DMAC2L: variants seen among roughly 807,000 people sequenced by gnomAD.
The protein encoded by DMAC2L is ATP synthase subunit s, mitochondrial.
In DMAC2L, 21 loss-of-function variants were observed where a neutral mutation model predicts 22.5. The ratio of observed to expected loss-of-function variants is 0.93; its 90% CI spans 0.66 to 1.34. DMAC2L has a LOEUF of 1.34. Among genes scored for constraint, DMAC2L ranks in the 40% most tolerant of loss-of-function variants. The pLI, the probability that DMAC2L is intolerant of heterozygous loss-of-function variation, is 0.00. For missense variants in DMAC2L, 239 were observed against 246.5 expected, an observed-to-expected ratio of 0.97 and a Z score of 0.20; for synonymous variants, 86 against 89.5, an observed-to-expected ratio of 0.96 and a Z score of 0.22.
chr14:50,326,490 GGTT>G lies in DMAC2L; in HGVS notation c.*772_*774del, dbSNP rs916546588. On this transcript the variant is annotated 3_prime_UTR_variant, in exon 6 of 6. Coordinates refer to ENST00000557421, the MANE Select transcript of DMAC2L (RefSeq NM_001382507.1). Reference sequence around the variant, plus strand: ...GAGTCAATTATGCAAAGTGGTCAGTGGTTGTTGAAGCATGCATTGCTTCAACAG... The same window carrying G: ...GAGTCAATTATGCAAAGTGGTCAGTGGTTGAAGCATGCATTGCTTCAACAG... The G allele has an allele frequency of 1.8e-5, 18 of 985,398 alleles. No individual in the cohort carries two copies. Among genetic ancestry groups the G allele is most frequent in the Non-Finnish European group, 2.2e-5 (18 of 829,918 alleles). 61.0% of individuals were successfully genotyped at this position (985,398 alleles called of 1,614,324 possible).
chr14:50,326,307 A>G lies in DMAC2L; in HGVS notation c.*584A>G, dbSNP rs116425757. On this transcript the variant is annotated 3_prime_UTR_variant, in exon 6 of 6. Coordinates refer to ENST00000557421, the MANE Select transcript of DMAC2L (RefSeq NM_001382507.1). ...TCATTTAATATGTAAATCTATAGAT[A>G]TCTCTTGATGTAGATATTTAGAATC... is the stretch of plus-strand genomic sequence containing the variant. 2,975 of 517,690 alleles carry G rather than the reference A, an allele frequency of 5.7e-3. 76 individuals carry two copies. Among genetic ancestry groups the G allele is most frequent in the African/African-American group, 0.057 (2,733 of 48,252 alleles). The allele number at this position is 517,690 out of a possible 1,614,324, so 32.1% of individuals were successfully genotyped here. A position where few individuals can be genotyped will look rare whatever the true frequency, so the allele number is the denominator to read the frequency against.
At chr14:50,323,857 C>A in intron 4 of DMAC2L, 88 bp from the exon 5 acceptor site, 2 of 1,167,850 alleles carry the variant, frequency 1.7e-6, no homozygotes, top group Admixed American at 4.6e-5. Context: ...GACTTTCAGT[C>A]CTAAAACCAA....
intron 1 of DMAC2L, chr14:50,312,945 C>G (rs892918813): frequency 7.0e-6 from 11 of 1,579,950 alleles, no homozygotes; most frequent in Non-Finnish European, 8.7e-6. Flanking sequence ...ACCGGAAGAA[C>G]CAGACAGCTC....
intron 2 of DMAC2L, among the ~76,000 whole-genome samples, chr14:50,320,238 C>T (rs559555263): frequency 4.6e-5 from 7 of 151,848 alleles, no homozygotes; most frequent in Admixed American, 2.0e-4. Flanking sequence ...GGACTACAGG[C>T]GCATGCCACC....
At position 50,325,667 on chromosome 14, in the gene DMAC2L, G is replaced by A. The variant is rs922227062; in HGVS notation, c.547G>A (p.Val183Ile). The change falls in exon 6 of 6, where the codon GTC becomes ATC. Residue 183 changes from valine (V) to isoleucine (I), a missense_variant. Val to Ile is a conservative substitution (Grantham distance 29, BLOSUM62 3). Coordinates refer to ENST00000557421, the MANE Select transcript of DMAC2L (RefSeq NM_001382507.1). ...LPGVREKENL[V>I]QAFKTALPSL... The stretch of plus-strand genomic sequence containing the variant: ...TGGAGTAAGAGAAAAAGAAAATCTT[G>A]TCCAAGCCTTTAAGACAGCACTGCC... The A allele has an allele frequency of 1.2e-6, 2 of 1,612,946 alleles. No homozygotes were observed. The highest frequency in any genetic ancestry group is 1.7e-5 in the Admixed American group (1 of 59,916).
At chr14:50,312,446 G>C (rs2139250132) in intron 1 of DMAC2L, 57 bp downstream of exon 1, 1 of 499,028 alleles carries the variant, frequency 2.0e-6, no homozygotes, top group African/African-American at 2.0e-5. Flanking sequence ...GTTGTGTTCT[G>C]CCCTCGCCCG....
rs965106537 is a variant in DMAC2L at position 50,312,363 on chromosome 14, G to C, written c.-68G>C. 1.9e-5 allele frequency: 12 copies of C among 637,664 alleles called. No individual in the cohort carries two copies. The highest frequency in any genetic ancestry group is 3.0e-5 in the Non-Finnish European group (11 of 371,180). 39.5% of individuals were successfully genotyped at this position (637,664 alleles called of 1,614,324 possible). A position where few individuals can be genotyped will look rare whatever the true frequency, so the allele number is the denominator to read the frequency against. The stretch of plus-strand genomic sequence containing the variant: ...GCCGCAGACGCGGGGACGCTGGCTC[G>C]CTCCCTCCCTCCCTCCCTCCGACGC... On this transcript the variant is annotated 5_prime_UTR_variant, in exon 1 of 6. Coordinates refer to ENST00000557421, the MANE Select transcript of DMAC2L (RefSeq NM_001382507.1).
At chr14:50,321,785 CTGTT>C (rs1274685795) in intron 3 of DMAC2L, among the ~76,000 whole-genome samples, 191 bp downstream of exon 3, 5 of 152,146 alleles carry the variant, frequency 3.3e-5, no homozygotes, top group Non-Finnish European at 7.3e-5. Context: ...TTAATTGTGG[CTGTT>C]TGGGTTGCAG....
intron 2 of DMAC2L, chr14:50,321,271 C>G: frequency 1.2e-6 from 1 of 830,658 alleles, no homozygotes; most frequent in Non-Finnish European, 1.6e-6. Flanking sequence ...CCGGAAGGAG[C>G]CTTAGACACC....
At chr14:50,311,730 G>A (rs1214349675), upstream of DMAC2L, among the ~76,000 whole-genome samples, 4 of 152,198 alleles carry the variant, frequency 2.6e-5, no homozygotes, top group African/African-American at 9.7e-5. Flanking sequence ...CCTTTAAGGA[G>A]GTTAAGTAAC....
At chr14:50,325,043 G>A (rs1480260589) in intron 5 of DMAC2L, among the ~76,000 whole-genome samples, 1 of 152,164 alleles carries the variant, frequency 6.6e-6, no homozygotes, top group East Asian at 1.9e-4. Context: ...CAAAGTGCTG[G>A]GATTACAGGC....
intron 2 of DMAC2L, chr14:50,319,324 C>T: frequency 6.5e-7 from 1 of 1,536,090 alleles, no homozygotes; most frequent in Non-Finnish European, 8.7e-7. Context: ...GTCTTCAGTT[C>T]ACATCTCTCA....
Position 50,325,868 on chromosome 14 carries a change from A to G in DMAC2L, c.*145A>G. On this transcript the variant is annotated 3_prime_UTR_variant, in exon 6 of 6. Coordinates refer to ENST00000557421, the MANE Select transcript of DMAC2L (RefSeq NM_001382507.1). Reference sequence around the variant, plus strand: ...GGAGAGTGCATCATATGTAGAAAATAAATATTCAGACGTGGCTCATTAATG... The same window carrying G: ...GGAGAGTGCATCATATGTAGAAAATGAATATTCAGACGTGGCTCATTAATG... 7.6e-7 allele frequency: 1 copy of G among 1,323,020 alleles called. No individual in the cohort carries two copies. 82.0% of individuals were successfully genotyped at this position (1,323,020 alleles called of 1,614,324 possible).
At chr14:50,319,057 G>C (rs1482030532) in intron 2 of DMAC2L, 1 of 985,316 alleles carries the variant, frequency 1.0e-6, no homozygotes, top group Non-Finnish European at 1.2e-6. Context: ...GTAAGGTCTT[G>C]AGGTTGGGTG....
intron 2 of DMAC2L, chr14:50,319,322 T>C: frequency 1.3e-6 from 2 of 1,536,130 alleles, no homozygotes; most frequent in Middle Eastern, 3.3e-4. Context: ...CTGTCTTCAG[T>C]TCACATCTCT....
intron 3 of DMAC2L, 128 bp from the exon 4 acceptor site, chr14:50,322,383 A>AACAC: frequency 1.0e-6 from 1 of 995,868 alleles, no homozygotes; most frequent in Non-Finnish European, 1.4e-6. Flanking sequence ...GGATCTCACT[A>AACAC]ATTTATCTTC....
intron 2 of DMAC2L, among the ~76,000 whole-genome samples, chr14:50,315,627 A>G (rs1423241972): frequency 1.4e-5 from 2 of 140,654 alleles, no homozygotes; most frequent in East Asian, 2.2e-4. Context: ...GCGCCACTGC[A>G]CTCCAGCCTG....
Position 50,322,626 on chromosome 14 carries a change from A to G in DMAC2L, c.223A>G (p.Asn75Asp). ...CCAGGAGAGGTGGCAGAAGGACTAC[A>G]ACCACCTTCCAACAGGCCCTCTGGA... ...HGQERWQKDY[N>D]HLPTGPLDKY... is the part of the protein sequence containing the mutation. Residue 75 changes from asparagine (N) to aspartate (D), a missense_variant, in exon 4 of 6, where the codon AAC becomes GAC. By Grantham distance (23) the Asn-to-Asp change is conservative. Transcript: ENST00000557421. 6.2e-7 allele frequency: 1 copy of G among 1,614,194 alleles called. No individual in the cohort carries two copies. The highest frequency in any genetic ancestry group is 8.5e-7 in the Non-Finnish European group (1 of 1,180,034).
chr14:50,312,868 T>C, intron 1 of DMAC2L: 1 of 746,050 alleles, frequency 1.3e-6, no homozygotes. Flanking sequence ...GGCGGTGCTA[T>C]TCATTCAGTC....
Sources: gnomAD v4.1 joint callset for allele counts (sites outside exome capture counted in the v4.1 genomes callset) on GRCh38, gnomAD v4.1.1 for gene constraint, MANE v1.5 for transcripts, NCBI Gene and HGNC (gene_info 2026-07-23, HGNC 2026-07-21) for gene names.